Variants in WWC2 observed in about 807,000 individuals in gnomAD.
The protein encoded by WWC2 is protein WWC2.
Under a neutral mutation model 138.5 loss-of-function variants are expected in WWC2, and 101 were observed. The observed-to-expected ratio is 0.73, with a 90% CI of 0.62 to 0.86. The LOEUF is 0.86. WWC2 is among the 40% of genes least tolerant of loss of function. WWC2 has a pLI of 0.00. For synonymous variants in WWC2, 558 were observed against 538.4 expected, an observed-to-expected ratio of 1.04 and a Z score of -0.50; for missense variants, 1,420 against 1,419.4, an observed-to-expected ratio of 1.00 and a Z score of -0.01.
chr4:183,100,137 C>CCCG (rs1743126318), intron 1 of WWC2, among the ~76,000 whole-genome samples: 1 of 152,290 alleles, frequency 6.6e-6, no homozygotes, highest in African/African-American at 2.4e-5. Flanking sequence ...GGAAGGGGCT[C>CCCG]CCGCCCCCCG....
intron 1 of WWC2, among the ~76,000 whole-genome samples, chr4:183,113,013 G>A (rs957191042): frequency 6.6e-6 from 1 of 151,948 alleles, no homozygotes; most frequent in East Asian, 1.9e-4. Flanking sequence ...TGGCTCATGC[G>A]TGTAATCCCA....
intron 21 of WWC2, among the ~76,000 whole-genome samples, chr4:183,311,619 G>T (rs1739246416): frequency 7.4e-6 from 1 of 134,240 alleles, no homozygotes; most frequent in Admixed American, 8.3e-5. Context: ...TCACTCTGTC[G>T]CCCAGGCTGG....
chr4:183,121,785 C>CTTT (rs528295307), intron 1 of WWC2, among the ~76,000 whole-genome samples: 52 of 124,196 alleles, frequency 4.2e-4, no homozygotes, highest in Middle Eastern at 8.5e-3. Context: ...TGTTAAGAAG[C>CTTT]TTTTTTTTTT....
At chr4:183,211,544 G>A (rs1346335011) in intron 4 of WWC2, among the ~76,000 whole-genome samples, 2 of 152,102 alleles carry the variant, frequency 1.3e-5, no homozygotes, top group Non-Finnish European at 1.5e-5. Flanking sequence ...TCTAAGGGCG[G>A]GTCAATTTCC....
chr4:183,241,987 G>A (rs1006915367), intron 5 of WWC2, among the ~76,000 whole-genome samples: 2 of 152,064 alleles, frequency 1.3e-5, no homozygotes, highest in Admixed American at 6.5e-5. Flanking sequence ...GGAATCTAAG[G>A]CATGTTTAAG....
intron 16 of WWC2, among the ~76,000 whole-genome samples, chr4:183,277,859 T>G (rs1199657128): frequency 6.6e-6 from 1 of 151,046 alleles, no homozygotes; most frequent in Non-Finnish European, 1.5e-5. Context: ...TTGAGTTCAT[T>G]GTAGATTCTG....
chr4:183,190,230 T>C lies in WWC2; in HGVS notation c.132-3369T>C, dbSNP rs76605670. On this transcript the variant is annotated intron_variant, in intron 1 of 22. Coordinates refer to ENST00000403733, the MANE Select transcript of WWC2 (RefSeq NM_024949.6). Reference sequence around the variant, plus strand: ...AACCAAAAACAAACTCCATCCATTTTTACTGACTTAACATCAAAGAAAGCT... The same window carrying C: ...AACCAAAAACAAACTCCATCCATTTCTACTGACTTAACATCAAAGAAAGCT... Among the ~76,000 whole-genome samples the C allele has an allele frequency of 7.3e-3, 1,112 of 152,338 alleles. 19 individuals carry two copies. Among genetic ancestry groups the C allele is most frequent in the African/African-American group, 0.025 (1,047 of 41,582 alleles).
chr4:183,280,956 A>T, intron 17 of WWC2, 59 bp downstream of exon 17: 1 of 1,507,670 alleles, frequency 6.6e-7, no homozygotes, highest in Non-Finnish European at 8.9e-7. Context: ...TACACGGCTT[A>T]CAGTGAAACC....
At chr4:183,123,351 C>T (rs1051365103) in intron 1 of WWC2, among the ~76,000 whole-genome samples, 5 of 150,826 alleles carry the variant, frequency 3.3e-5, no homozygotes, top group African/African-American at 1.2e-4. Context: ...CTACAAATAC[C>T]AACATAGACA....
chr4:183,290,932 AC>A (rs1323332965), intron 21 of WWC2, among the ~76,000 whole-genome samples: 2 of 152,258 alleles, frequency 1.3e-5, no homozygotes, highest in African/African-American at 4.8e-5. Context: ...GAACTCAGAA[AC>A]TAAATGAATG....
chr4:183,194,093 A>G (rs184916424), intron 2 of WWC2, among the ~76,000 whole-genome samples: 9 of 152,250 alleles, frequency 5.9e-5, no homozygotes, highest in Admixed American at 2.6e-4. Flanking sequence ...CGTTGGCACA[A>G]TGTGGTTTGT....
At chr4:183,294,869 C>T (rs1393677421) in intron 21 of WWC2, among the ~76,000 whole-genome samples, 1 of 151,956 alleles carries the variant, frequency 6.6e-6, no homozygotes, top group Admixed American at 6.6e-5. Flanking sequence ...TTCTCCTACA[C>T]TAAAGAAATG....
intron 2 of WWC2, among the ~76,000 whole-genome samples, chr4:183,202,649 G>A (rs572455988): frequency 7.2e-5 from 11 of 151,994 alleles, no homozygotes; most frequent in Admixed American, 2.6e-4. Flanking sequence ...TTTTTTCTCC[G>A]GTGTTGCTGC....
At chr4:183,271,489 A>G (rs1026889738) in intron 16 of WWC2, among the ~76,000 whole-genome samples, 3 of 152,220 alleles carry the variant, frequency 2.0e-5, no homozygotes, top group African/African-American at 4.8e-5. Flanking sequence ...CTTCCTTGTA[A>G]AAATAAACTG....
At position 183,180,617 on chromosome 4, in the gene WWC2, T is replaced by TTTG. The variant is rs10651908; in HGVS notation, c.132-12982_132-12981insTTG. Among the ~76,000 whole-genome samples the TTTG allele has an allele frequency of 5.9e-5, 9 of 152,286 alleles. No individual in the cohort carries two copies. In the East Asian group the frequency reaches 1.5e-3, roughly 26 times the overall value. On this transcript the variant is annotated intron_variant, in intron 1 of 22. Coordinates refer to ENST00000403733, the MANE Select transcript of WWC2 (RefSeq NM_024949.6). ...TAAACTGGTAAATGGATAAGCAAAA[T>TTTG]GTATCTGTGGAGTGAAATACTATTC...
intron 16 of WWC2, among the ~76,000 whole-genome samples, chr4:183,271,558 T>A (rs907923389): frequency 2.6e-5 from 4 of 152,230 alleles, no homozygotes; most frequent in Non-Finnish European, 5.9e-5. Flanking sequence ...TTTAAATATA[T>A]ACTTTTCATG....
chr4:183,189,295 G>T (rs1309931477), intron 1 of WWC2, among the ~76,000 whole-genome samples: 1 of 151,954 alleles, frequency 6.6e-6, no homozygotes, highest in Non-Finnish European at 1.5e-5. Flanking sequence ...AAATTAGCCA[G>T]GCGTGGTGGC....
At chr4:183,113,242 C>G (rs564791635) in intron 1 of WWC2, among the ~76,000 whole-genome samples, 1 of 152,036 alleles carries the variant, frequency 6.6e-6, no homozygotes, top group African/African-American at 2.4e-5. Context: ...ACTGCAAATA[C>G]AGAACGTTTC....
At chr4:183,310,899 G>A (rs970287139) in intron 21 of WWC2, among the ~76,000 whole-genome samples, 9 of 149,604 alleles carry the variant, frequency 6.0e-5, no homozygotes, top group African/African-American at 2.0e-4. Context: ...GTGATGTGTT[G>A]GGTACTGCTC....
Sources: allele counts gnomAD v4.1 joint callset (sites outside exome capture counted in the v4.1 genomes callset), GRCh38; gene constraint gnomAD v4.1.1; transcripts MANE v1.5; gene names NCBI Gene and HGNC (gene_info 2026-07-23, HGNC 2026-07-21).